The following CCDC112 variants were observed in gnomAD, a reference collection of about 807,000 sequenced individuals.
CCDC112 encodes coiled-coil domain-containing protein 112.
In CCDC112, 40 loss-of-function variants were observed where a neutral mutation model predicts 66.3. That is an observed-to-expected ratio of 0.60 (90% CI 0.47 to 0.79). The LOEUF is 0.79. Among genes scored for constraint, CCDC112 ranks in the 30% least tolerant of loss-of-function variants. The probability of loss-of-function intolerance (pLI) is 0.00; values close to 1 mark genes in which losing one functional copy is unlikely to be tolerated. For missense variants in CCDC112, 659 were observed against 603.8 expected (o/e 1.09, Z -0.96); for synonymous variants, 214 against 197.2 (o/e 1.09, Z -0.71).
chr5:115,286,090 A>G (rs955630160), intron 1 of CCDC112, among the ~76,000 whole-genome samples: 1 of 152,222 alleles, frequency 6.6e-6, no homozygotes, highest in South Asian at 2.1e-4. Context: ...GAAGTGTACA[A>G]TTCAGTGGTT....
chr5:115,273,638 A>G (rs1184128190), intron 6 of CCDC112, among the ~76,000 whole-genome samples: 2 of 152,214 alleles, frequency 1.3e-5, no homozygotes, highest in Admixed American at 1.3e-4. Flanking sequence ...TACTTTTATC[A>G]CAAGAAGCAG....
intron 2 of CCDC112, among the ~76,000 whole-genome samples, chr5:115,281,487 T>C (rs552867586): frequency 2.2e-4 from 34 of 152,340 alleles, no homozygotes; most frequent in African/African-American, 8.2e-4. Flanking sequence ...TAGATAAAGA[T>C]ATCAAATAGA....
chr5:115,272,981 C>A (rs1245774943), intron 6 of CCDC112, among the ~76,000 whole-genome samples: 2 of 152,196 alleles, frequency 1.3e-5, no homozygotes, highest in Non-Finnish European at 2.9e-5. Context: ...GTGCTCACTG[C>A]ATAGTTAATT....
At chr5:115,284,959 A>C (rs369092827) in intron 1 of CCDC112, 51 bp from the exon 2 acceptor site, 6 of 1,538,212 alleles carry the variant, frequency 3.9e-6, no homozygotes, top group Non-Finnish European at 5.3e-6. Flanking sequence ...GTAAGACATA[A>C]ATGTGGAATT....
At chr5:115,283,847 T>G (rs895389988) in intron 2 of CCDC112, among the ~76,000 whole-genome samples, 3 of 152,106 alleles carry the variant, frequency 2.0e-5, no homozygotes, top group African/African-American at 7.2e-5. Flanking sequence ...CAAAGCAACG[T>G]TTTGATAAAG....
chr5:115,294,779 G>A (rs1043831526), intron 1 of CCDC112, among the ~76,000 whole-genome samples: 2 of 152,182 alleles, frequency 1.3e-5, no homozygotes, highest in Admixed American at 6.5e-5. Flanking sequence ...AGGTATGTGC[G>A]TGTGGTATGC....
chr5:115,285,725 T>C (rs1159009542), intron 1 of CCDC112, among the ~76,000 whole-genome samples: 5 of 152,126 alleles, frequency 3.3e-5, no homozygotes, highest in Non-Finnish European at 5.9e-5. Context: ...ATTTAACTCT[T>C]TAAGAACAAT....
Position 115,296,431 on chromosome 5 carries a change from T to C in CCDC112, c.113A>G (p.Gln38Arg). The C allele has an allele frequency of 1.3e-6, 2 of 1,567,536 alleles. No homozygotes were observed. The highest frequency in any genetic ancestry group is 2.5e-5 in the East Asian group (1 of 39,834). Residue 38 changes from glutamine to arginine, a missense_variant, in exon 1 of 10, where the codon CAA becomes CGA. By Grantham distance (43) the Gln-to-Arg change is conservative (BLOSUM62 1). Transcript: ENST00000379611. ...GTGVGATPAP[Q>R]QSDGCFSTSG... ...TCTCGGTTCTCCCGGATTTACCTGT[T>C]GAGGCGCTGGCGTCGCTCCCACGCC...
chr5:115,285,869 G>C (rs544386021), intron 1 of CCDC112, among the ~76,000 whole-genome samples: 77 of 152,086 alleles, frequency 5.1e-4, no homozygotes, highest in Non-Finnish European at 8.5e-4. Flanking sequence ...AGGACTACTG[G>C]GCTGACAGAA....
chr5:115,294,875 G>C (rs1750082370), intron 1 of CCDC112, among the ~76,000 whole-genome samples: 1 of 151,952 alleles, frequency 6.6e-6, no homozygotes, highest in South Asian at 2.1e-4. Flanking sequence ...GTTTTGTTTT[G>C]TTTTTTTAAA....
At position 115,267,683 on chromosome 5, in the gene CCDC112, T is replaced by G; in HGVS notation, c.*193A>C. The G allele has an allele frequency of 1.7e-6, 1 of 599,896 alleles. No homozygotes were observed. The highest frequency in any genetic ancestry group is 3.0e-6 in the Non-Finnish European group (1 of 336,250). 37.2% of individuals were successfully genotyped at this position (599,896 alleles called of 1,614,324 possible). Reference sequence around the variant, plus strand: ...ATCAATAATAGGCCAACACATATATTAAATACCTTCTTGGTAGAAGCAGGA... The same window carrying G: ...ATCAATAATAGGCCAACACATATATGAAATACCTTCTTGGTAGAAGCAGGA... On this transcript the variant is annotated 3_prime_UTR_variant, in exon 10 of 10. Coordinates refer to ENST00000379611, the MANE Select transcript of CCDC112 (RefSeq NM_001040440.3).
Position 115,282,037 on chromosome 5 carries a change from C to G in CCDC112, c.240-2269G>C, listed in dbSNP as rs144228020. 7.7e-3 allele frequency among the ~76,000 whole-genome samples: 1,169 copies of G among 152,062 alleles called. 8 individuals are homozygous for G. The highest frequency in any genetic ancestry group is 0.012 in the Non-Finnish European group (834 of 68,000). On this transcript the variant is annotated intron_variant, in intron 2 of 9. Transcript: ENST00000379611. ...ATACTTACAAACAAATAATGTTGACCTATGTGGGTATGGTAATTAATTGCA... is the reference window on the plus strand; with the variant it reads ...ATACTTACAAACAAATAATGTTGACGTATGTGGGTATGGTAATTAATTGCA...
chr5:115,287,277 T>A (rs559584015), intron 1 of CCDC112, among the ~76,000 whole-genome samples: 3 of 152,222 alleles, frequency 2.0e-5, no homozygotes, highest in African/African-American at 7.2e-5. Context: ...TAATGACTAA[T>A]GATGTTGAGC....
At chr5:115,277,083 T>C in intron 3 of CCDC112, 29 bp from the exon 4 acceptor site, 5 of 1,309,652 alleles carry the variant, frequency 3.8e-6, no homozygotes, top group Non-Finnish European at 5.5e-6. Context: ...CACTTTAAAA[T>C]AATTCTGTGA....
At chr5:115,277,484 G>A (rs1749257589) in intron 3 of CCDC112, among the ~76,000 whole-genome samples, 1 of 152,130 alleles carries the variant, frequency 6.6e-6, no homozygotes, top group African/African-American at 2.4e-5. Context: ...AGTTAATTCT[G>A]TGAATACTGA....
intron 4 of CCDC112, 40 bp downstream of exon 4, chr5:115,276,925 C>T: frequency 1.5e-6 from 2 of 1,329,068 alleles, no homozygotes; most frequent in Non-Finnish European, 2.1e-6. Context: ...ACAGAAAATA[C>T]TAACACATAA....
intron 2 of CCDC112, among the ~76,000 whole-genome samples, chr5:115,282,285 A>T (rs1266720901): frequency 6.6e-6 from 1 of 152,222 alleles, no homozygotes; most frequent in East Asian, 1.9e-4. Flanking sequence ...ATTGACACCC[A>T]TCATATGATA....
intron 3 of CCDC112, among the ~76,000 whole-genome samples, chr5:115,278,385 A>C (rs1051716967): frequency 1.3e-5 from 2 of 152,044 alleles, no homozygotes; most frequent in African/African-American, 4.8e-5. Flanking sequence ...TGAAGGGAAA[A>C]CTTCTCTACA....
chr5:115,268,939 T>A lies in CCDC112; in HGVS notation c.1490A>T (p.Glu497Val), dbSNP rs754152631. Reference protein sequence around the residue: ...RLYKPTKGWEERTKKIGPTGS... With the variant: ...RLYKPTKGWEVRTKKIGPTGS... Reference sequence around the variant, plus strand: ...TGTTGGTCCTATCTTTTTGGTTCGTTCTTCCCAACCTTTGGTGGGTTTGTA... The same window carrying A: ...TGTTGGTCCTATCTTTTTGGTTCGTACTTCCCAACCTTTGGTGGGTTTGTA... Residue 497 changes from glutamate to valine, a missense_variant, in exon 9 of 10, where the codon GAA becomes GTA. By Grantham distance (121) the Glu-to-Val change is moderately radical. Coordinates refer to ENST00000379611, the MANE Select transcript of CCDC112 (RefSeq NM_001040440.3). 1.2e-5 allele frequency: 19 copies of A among 1,607,862 alleles called. No homozygotes were observed. Among genetic ancestry groups the A allele is most frequent in the Non-Finnish European group, 1.5e-5 (18 of 1,177,312 alleles).
Sources: allele counts gnomAD v4.1 joint callset (sites outside exome capture counted in the v4.1 genomes callset), GRCh38; gene constraint gnomAD v4.1.1; transcripts MANE v1.5; gene names NCBI Gene and HGNC (gene_info 2026-07-23, HGNC 2026-07-21).